The following HDGF variants were observed in gnomAD, a reference collection of about 807,000 sequenced individuals.
The protein encoded by HDGF is hepatoma-derived growth factor.
Under a neutral mutation model 30.0 loss-of-function variants are expected in HDGF, and 5 were observed. That is an observed-to-expected ratio of 0.17 (90% CI 0.09 to 0.35). HDGF has a LOEUF of 0.35. HDGF is among the 10% of genes least tolerant of loss of function. The pLI is 1.00. For synonymous variants in HDGF, 133 were observed against 112.7 expected, an observed-to-expected ratio of 1.18 and a Z score of -1.14; for missense variants, 214 against 302.8, an observed-to-expected ratio of 0.71 and a Z score of 2.18.
At chr1:156,762,162 C>T (rs1651260487) in intron 1 of HDGF, among the ~76,000 whole-genome samples, 1 of 149,058 alleles carries the variant, frequency 6.7e-6, no homozygotes, top group African/African-American at 2.5e-5. Context: ...AAAATTATAT[C>T]AAGACACTGA....
chr1:156,754,500 C>T (rs116080694), upstream of HDGF, among the ~76,000 whole-genome samples: 892 of 152,232 alleles, frequency 5.9e-3, 19 homozygotes, highest in African/African-American at 0.021. Context: ...TCAACCAACT[C>T]GCAGCTGCCC....
intron 4 of HDGF, 22 bp downstream of exon 4, chr1:156,744,141 G>T: frequency 6.2e-7 from 1 of 1,611,324 alleles, no homozygotes; most frequent in Non-Finnish European, 8.5e-7. Context: ...GGGGGCCCAG[G>T]CCCTGGGCAG....
At chr1:156,750,208 T>C (rs997075796) in intron 1 of HDGF, among the ~76,000 whole-genome samples, 18 of 152,224 alleles carry the variant, frequency 1.2e-4, no homozygotes, top group African/African-American at 3.9e-4. Flanking sequence ...ACCCCAAAGA[T>C]ATGCAGTCCT....
upstream of HDGF, among the ~76,000 whole-genome samples, chr1:156,753,451 C>T (rs890648471): frequency 5.3e-5 from 8 of 152,222 alleles, no homozygotes; most frequent in African/African-American, 1.9e-4. Context: ...CAGGCTAAAT[C>T]TTTTTGTTAG....
chr1:156,752,639 G>T (rs1651050858), upstream of HDGF, among the ~76,000 whole-genome samples: 1 of 152,152 alleles, frequency 6.6e-6, no homozygotes, highest in African/African-American at 2.4e-5. Context: ...TTTGGCCTAG[G>T]TTATATGCTA....
At chr1:156,764,630 G>A (rs1187443855) in intron 1 of HDGF, among the ~76,000 whole-genome samples, 2 of 152,088 alleles carry the variant, frequency 1.3e-5, no homozygotes, top group Non-Finnish European at 2.9e-5. Context: ...TACCCAATAA[G>A]GTGAATCATT....
At chr1:156,754,649 AGT>A (rs1241725809), upstream of HDGF, among the ~76,000 whole-genome samples, 1 of 152,138 alleles carries the variant, frequency 6.6e-6, no homozygotes, top group African/African-American at 2.4e-5. Flanking sequence ...TTTTTAAAAG[AGT>A]GTAGATTCTA....
chr1:156,757,251 T>G (rs2102737010), upstream of HDGF, among the ~76,000 whole-genome samples: 1 of 143,522 alleles, frequency 7.0e-6, no homozygotes, highest in South Asian at 2.2e-4. Context: ...GATCATGAGG[T>G]CAGAAGTTGA....
intron 2 of HDGF, among the ~76,000 whole-genome samples, chr1:156,758,620 T>TAAATAAAA (rs1651194664): frequency 3.9e-5 from 1 of 25,962 alleles, no homozygotes; most frequent in Admixed American, 4.4e-4. Flanking sequence ...AATAAATAAA[T>TAAATAAAA]AAAAAAAATT....
rs995841930 is a variant in HDGF, at chr1:156,742,515, G to A, written c.*934C>T. 9.1e-4 allele frequency: 138 copies of A among 152,236 alleles called. 1 individual carries two copies. The highest frequency in any genetic ancestry group is 1.5e-5 in the Non-Finnish European group (1 of 68,038). 9.4% of individuals were successfully genotyped at this position (152,236 alleles called of 1,614,324 possible). ...AATGGAGAGCACACAAAGGGTTAGGGGTCTTTAAAATTTTTTTTTGTAATT... is the reference window on the plus strand; with the variant it reads ...AATGGAGAGCACACAAAGGGTTAGGAGTCTTTAAAATTTTTTTTTGTAATT... On this transcript the variant is annotated 3_prime_UTR_variant, in exon 6 of 6. Transcript: ENST00000357325.
At chr1:156,766,215 TTCAAGC>T (rs1651372299) in intron 1 of HDGF, among the ~76,000 whole-genome samples, 1 of 152,078 alleles carries the variant, frequency 6.6e-6, no homozygotes, top group African/African-American at 2.4e-5. Flanking sequence ...TGATAGAGGA[TTCAAGC>T]TTGGGCCTTT....
upstream of HDGF, among the ~76,000 whole-genome samples, chr1:156,754,446 G>T (rs796897660): frequency 6.6e-6 from 1 of 152,144 alleles, no homozygotes; most frequent in African/African-American, 2.4e-5. Context: ...TCTCCTAGGC[G>T]TTGGTTGCAA....
intron 1 of HDGF, among the ~76,000 whole-genome samples, chr1:156,750,127 T>G (rs1000930740): frequency 1.3e-5 from 2 of 152,046 alleles, no homozygotes; most frequent in African/African-American, 4.8e-5. Context: ...GTTTTCTGAG[T>G]GGCCCCAAAG....
At position 156,743,990 on chromosome 1, in the gene HDGF, A is replaced by C. The variant is rs1650326033; in HGVS notation, c.490-112T>G. ...GGCTGACACCCACAGTCCTTCCCCA[A>C]CCCTACTAGCTGAAATGCCTTCTGT... On this transcript the variant is annotated intron_variant, in intron 4 of 5. Coordinates refer to ENST00000357325, the MANE Select transcript of HDGF (RefSeq NM_004494.3). The C allele has an allele frequency of 1.0e-5, 11 of 1,059,900 alleles. No individual in the cohort carries two copies. The South Asian group carries it at 1.4e-4, about 14-fold the overall frequency. 65.7% of individuals were successfully genotyped at this position (1,059,900 alleles called of 1,614,324 possible). A position where few individuals can be genotyped will look rare whatever the true frequency, so the allele number is the denominator to read the frequency against.
intron 1 of HDGF, among the ~76,000 whole-genome samples, chr1:156,763,953 A>G (rs1651303604): frequency 6.6e-6 from 1 of 152,146 alleles, no homozygotes; most frequent in South Asian, 2.1e-4. Context: ...GCTGGAGTGC[A>G]GTGGTGCGAT....
In HDGF at chr1:156,743,632, G is replaced by A; in HGVS notation, c.716+20C>T. The A allele has an allele frequency of 6.3e-7, 1 of 1,591,816 alleles. No homozygotes were observed. The highest frequency in any genetic ancestry group is 8.6e-7 in the Non-Finnish European group (1 of 1,159,900). On this transcript the variant is annotated intron_variant, in intron 5 of 5. Coordinates refer to ENST00000357325, the MANE Select transcript of HDGF (RefSeq NM_004494.3). The stretch of plus-strand genomic sequence containing the variant: ...GGTCCCCCCTAGTCCAGCTGCCAAG[G>A]GGTCAGGGGGCTCACTCACCTCTCA...
upstream of HDGF, chr1:156,752,402 A>G (rs1056146087): frequency 2.5e-5 from 39 of 1,533,660 alleles, no homozygotes; most frequent in Non-Finnish European, 3.4e-5. Flanking sequence ...TGCCAAGGAG[A>G]CTTGGACTCA....
At chr1:156,743,973 C>T in intron 4 of HDGF, 95 bp from the exon 5 acceptor site, 1 of 1,102,212 alleles carries the variant, frequency 9.1e-7, no homozygotes, top group Non-Finnish European at 1.4e-6. Flanking sequence ...CAGGCTGACA[C>T]CCACAGTCCT....
intron 1 of HDGF, among the ~76,000 whole-genome samples, chr1:156,761,764 G>C (rs1651252074): frequency 6.6e-6 from 1 of 150,862 alleles, no homozygotes; most frequent in South Asian, 2.1e-4. Flanking sequence ...TGGCCAACAT[G>C]GTGAAACCCC....
Sources: allele counts gnomAD v4.1 joint callset (sites outside exome capture counted in the v4.1 genomes callset), GRCh38; gene constraint gnomAD v4.1.1; transcripts MANE v1.5; gene names NCBI Gene and HGNC (gene_info 2026-07-23, HGNC 2026-07-21).